The following CTNNA1 variants were observed in gnomAD, a reference collection of about 807,000 sequenced individuals.
The protein encoded by CTNNA1 is catenin alpha 1.
Under a neutral mutation model 98.4 loss-of-function variants are expected in CTNNA1, and 37 were observed. That is an observed-to-expected ratio of 0.38 (90% CI 0.29 to 0.49). CTNNA1 has a LOEUF of 0.49. Among genes scored for constraint, CTNNA1 ranks in the 20% least tolerant of loss-of-function variants. CTNNA1 has a pLI of 0.95. For synonymous variants in CTNNA1, 404 were observed against 413.2 expected (o/e 0.98, Z 0.27); for missense variants, 761 against 1,147.2 (o/e 0.66, Z 4.86).
chr5:138,801,648 G>A (rs1320162546), intron 3 of CTNNA1, among the ~76,000 whole-genome samples: 2 of 152,226 alleles, frequency 1.3e-5, no homozygotes, highest in Non-Finnish European at 2.9e-5. Flanking sequence ...GTCTGTTGGT[G>A]ATAGTTCCCT....
chr5:138,809,253 A>G (rs747372467), intron 3 of CTNNA1, among the ~76,000 whole-genome samples: 8 of 152,212 alleles, frequency 5.3e-5, no homozygotes, highest in Non-Finnish European at 1.2e-4. Context: ...AAAATTATAG[A>G]TACAATACCT....
chr5:138,763,354 A>G lies in CTNNA1; in HGVS notation c.-3+9844A>G, dbSNP rs1752575669. Among the ~76,000 whole-genome samples, 5 of 152,186 alleles carry G rather than the reference A, an allele frequency of 3.3e-5. 1 individual carries two copies. In the South Asian group the frequency reaches 1.0e-3, roughly 32 times the overall value. The stretch of plus-strand genomic sequence containing the variant: ...ATGCATTCTTTCTAGGCAAAGATGC[A>G]TTGTTACCATTCTCTCATGGTATGT... On this transcript the variant is annotated intron_variant, in intron 1 of 17. Coordinates refer to ENST00000302763, the MANE Select transcript of CTNNA1 (RefSeq NM_001903.5).
chr5:138,835,120 C>T (rs773923009), intron 7 of CTNNA1, among the ~76,000 whole-genome samples: 4 of 152,100 alleles, frequency 2.6e-5, no homozygotes, highest in Non-Finnish European at 4.4e-5. Context: ...AGGAACAAAT[C>T]GCAGTGGTGG....
At chr5:138,870,512 G>T (rs1233485633) in intron 7 of CTNNA1, 3 of 152,164 alleles carry the variant, frequency 2.0e-5, no homozygotes, top group Non-Finnish European at 4.4e-5. Context: ...TAAATGGCTG[G>T]CTTTTCCAAT....
intron 5 of CTNNA1, among the ~76,000 whole-genome samples, chr5:138,824,086 A>G (rs1760386154): frequency 6.6e-6 from 1 of 151,804 alleles, no homozygotes; most frequent in Admixed American, 6.6e-5. Flanking sequence ...AGGTACATAT[A>G]TCTATATAGA....
In CTNNA1 at chr5:138,783,322, A is replaced by G. The variant is rs1580984616; in HGVS notation, c.251A>G (p.Gln84Arg). The change falls in exon 3 of 18, where the codon CAG (glutamine) becomes CGG (arginine). Residue 84 changes from glutamine to arginine, a missense_variant. Coordinates refer to ENST00000302763, the MANE Select transcript of CTNNA1 (RefSeq NM_001903.5). ...GGGGATAAAATTGCGAAGGAGAGCC[A>G]GTTTCTCAAGGAGGAGCTTGTGGCT... is the stretch of plus-strand genomic sequence containing the variant. ...EKGDKIAKES[Q>R]FLKEELVAAV... 1 of 1,614,178 alleles carries G rather than the reference A, an allele frequency of 6.2e-7. No individual in the cohort carries two copies. The highest frequency in any genetic ancestry group is 8.5e-7 in the Non-Finnish European group (1 of 1,180,000).
At chr5:138,879,161 A>ACTC (rs1752318226) in intron 7 of CTNNA1, among the ~76,000 whole-genome samples, 1 of 118,412 alleles carries the variant, frequency 8.4e-6, no homozygotes, top group Non-Finnish European at 1.7e-5. Context: ...ACAGAGTGAG[A>ACTC]CTCCGTCTTT....
intron 7 of CTNNA1, among the ~76,000 whole-genome samples, chr5:138,861,561 G>A (rs567006679): frequency 3.3e-5 from 5 of 152,212 alleles, no homozygotes; most frequent in East Asian, 3.9e-4. Context: ...TATCTTCTAC[G>A]CCCCAATTCA....
chr5:138,924,522 T>G lies in CTNNA1; in HGVS notation c.1559T>G (p.Leu520Trp). ...DFLAVSENHI[L>W]EDVNKCVIAL... ...GCTTGTTCTCCAGAGAATCACATTTTGGAAGATGTGAACAAATGTGTCATT... is the reference window on the plus strand; with the variant it reads ...GCTTGTTCTCCAGAGAATCACATTTGGGAAGATGTGAACAAATGTGTCATT... Residue 520 changes from leucine (L) to tryptophan (W), a missense_variant, in exon 12 of 18, where the codon TTG (leucine) becomes TGG (tryptophan). Physicochemically the swap from Leu to Trp is moderately conservative, Grantham distance 61. Coordinates refer to ENST00000302763, the MANE Select transcript of CTNNA1 (RefSeq NM_001903.5). 1 of 1,614,176 alleles carries G rather than the reference T, an allele frequency of 6.2e-7. No individual in the cohort carries two copies. The highest frequency in any genetic ancestry group is 8.5e-7 in the Non-Finnish European group (1 of 1,180,026).
At chr5:138,801,428 A>G (rs1240332720) in intron 3 of CTNNA1, among the ~76,000 whole-genome samples, 1 of 152,192 alleles carries the variant, frequency 6.6e-6, no homozygotes, top group Admixed American at 6.5e-5. Context: ...GGATTACATG[A>G]TGAGTTTTTT....
At chr5:138,926,979 C>T (rs1006904083) in intron 13 of CTNNA1, among the ~76,000 whole-genome samples, 2 of 152,142 alleles carry the variant, frequency 1.3e-5, no homozygotes, top group Admixed American at 1.3e-4. Context: ...GCCCAGACCT[C>T]GAATCTTTTA....
At chr5:138,781,859 A>G in intron 1 of CTNNA1, 64 bp from the exon 2 acceptor site, 1 of 1,453,164 alleles carries the variant, frequency 6.9e-7, no homozygotes, top group Non-Finnish European at 9.2e-7. Context: ...GTAGGAGAAG[A>G]TTTGTTACAT....
At chr5:138,875,658 G>A (rs1313080288) in intron 7 of CTNNA1, 3 of 985,316 alleles carry the variant, frequency 3.0e-6, no homozygotes, top group African/African-American at 1.7e-5. Context: ...TTAGACTGCC[G>A]ATTCTGCATA....
intron 7 of CTNNA1, among the ~76,000 whole-genome samples, chr5:138,860,013 CGT>C (rs764086744): frequency 7.9e-5 from 12 of 151,564 alleles, no homozygotes; most frequent in Admixed American, 1.3e-4. Flanking sequence ...CGTGTGCATG[CGT>C]GTGTGTGTGT....
chr5:138,843,425 G>A (rs189000243), intron 7 of CTNNA1, among the ~76,000 whole-genome samples: 25 of 152,182 alleles, frequency 1.6e-4, no homozygotes, highest in African/African-American at 5.8e-4. Flanking sequence ...TACACCCTTC[G>A]GAGGGCATTT....
chr5:138,833,770 A>G (rs1761507574), intron 7 of CTNNA1, among the ~76,000 whole-genome samples: 1 of 152,210 alleles, frequency 6.6e-6, no homozygotes, highest in Admixed American at 6.5e-5. Context: ...TTCTTTTAAT[A>G]CTTAAAACTG....
At chr5:138,807,096 C>T (rs1758165031) in intron 3 of CTNNA1, among the ~76,000 whole-genome samples, 2 of 151,160 alleles carry the variant, frequency 1.3e-5, no homozygotes, top group East Asian at 1.9e-4. Context: ...CTGTAACCTC[C>T]GCCTCCTGGG....
At chr5:138,768,048 T>G (rs1467128170) in intron 1 of CTNNA1, among the ~76,000 whole-genome samples, 2 of 152,232 alleles carry the variant, frequency 1.3e-5, no homozygotes, top group Non-Finnish European at 2.9e-5. Context: ...CAGATTCAGA[T>G]TCTCACAGTT....
At chr5:138,879,909 C>T (rs972325271) in intron 7 of CTNNA1, among the ~76,000 whole-genome samples, 10 of 152,280 alleles carry the variant, frequency 6.6e-5, no homozygotes, top group African/African-American at 2.2e-4. Context: ...GTTTTGGATA[C>T]ATGTGCACTC....
Sources: allele counts gnomAD v4.1 joint callset (sites outside exome capture counted in the v4.1 genomes callset), GRCh38; gene constraint gnomAD v4.1.1; transcripts MANE v1.5; gene names NCBI Gene and HGNC (gene_info 2026-07-23, HGNC 2026-07-21).